Variants in SDCCAG8 observed in about 807,000 individuals in gnomAD.
SDCCAG8 encodes SHH signaling and ciliogenesis regulator SDCCAG8.
Under a neutral mutation model 101.8 loss-of-function variants are expected in SDCCAG8, and 74 were observed. The ratio of observed to expected loss-of-function variants is 0.73; its 90% CI spans 0.60 to 0.88. The LOEUF (loss-of-function observed/expected upper bound fraction) is 0.88, where lower values mean the gene tolerates loss of function less well. Ranked by LOEUF, SDCCAG8 falls within the 40% of genes least tolerant of loss-of-function variation. SDCCAG8 has a pLI of 0.00. For synonymous variants in SDCCAG8, 281 were observed against 292.9 expected (o/e 0.96, Z 0.41); for missense variants, 787 against 822.6 (o/e 0.96, Z 0.53).
chr1:243,291,330 C>G (rs1317938509), intron 5 of SDCCAG8, among the ~76,000 whole-genome samples: 1 of 152,200 alleles, frequency 6.6e-6, no homozygotes, highest in Non-Finnish European at 1.5e-5. Context: ...CTAAATTCAA[C>G]TCAGGCATGT....
intron 10 of SDCCAG8, among the ~76,000 whole-genome samples, chr1:243,340,108 G>A (rs1010946648): frequency 1.3e-5 from 2 of 152,150 alleles, no homozygotes; most frequent in African/African-American, 2.4e-5. Context: ...CCATTGGAAA[G>A]CCATTTATTC....
Position 243,394,851 on chromosome 1 carries a change from GT to G in SDCCAG8, c.1616+16000del, listed in dbSNP as rs11442720. 8.8e-3 allele frequency among the ~76,000 whole-genome samples: 1,276 copies of G among 144,896 alleles called. 28 individuals carry two copies. The highest frequency in any genetic ancestry group is 0.028 in the African/African-American group (1,113 of 39,902). On this transcript the variant is annotated intron_variant, in intron 13 of 17. Coordinates refer to ENST00000366541, the MANE Select transcript of SDCCAG8 (RefSeq NM_006642.5). ...ACATTGCTTCAATGCCTCTTTTTCTGTTTTTTTTTTTTCCCCTGTAAAATTT... is the reference window on the plus strand; with the variant it reads ...ACATTGCTTCAATGCCTCTTTTTCTGTTTTTTTTTTTCCCCTGTAAAATTT...
At chr1:243,482,670 T>C (rs1663983187) in intron 16 of SDCCAG8, among the ~76,000 whole-genome samples, 1 of 152,148 alleles carries the variant, frequency 6.6e-6, no homozygotes, top group African/African-American at 2.4e-5. Flanking sequence ...CCGCGGACCC[T>C]ACGCTGTGCT....
intron 10 of SDCCAG8, among the ~76,000 whole-genome samples, chr1:243,339,326 A>AT (rs1314400090): frequency 6.6e-6 from 1 of 152,194 alleles, no homozygotes; most frequent in Non-Finnish European, 1.5e-5. Context: ...GTAAAATATG[A>AT]TTTTTAGTAG....
chr1:243,281,911 G>T (rs1355408942), intron 4 of SDCCAG8, among the ~76,000 whole-genome samples: 4 of 152,148 alleles, frequency 2.6e-5, no homozygotes, highest in Admixed American at 6.5e-5. Flanking sequence ...CTTCCAAAGT[G>T]CTGGGCTTAC....
At chr1:243,410,811 G>A (rs2080119961) in intron 13 of SDCCAG8, among the ~76,000 whole-genome samples, 1 of 152,068 alleles carries the variant, frequency 6.6e-6, no homozygotes, top group African/African-American at 2.4e-5. Flanking sequence ...AAAAATATAA[G>A]CTTAATGCTT....
At chr1:243,354,819 G>T (rs754281082) in intron 12 of SDCCAG8, among the ~76,000 whole-genome samples, 4 of 152,176 alleles carry the variant, frequency 2.6e-5, no homozygotes, top group Non-Finnish European at 5.9e-5. Flanking sequence ...TTTGCTCTGG[G>T]AGTTCTTTTT....
intron 12 of SDCCAG8, among the ~76,000 whole-genome samples, chr1:243,360,351 A>C (rs1263418959): frequency 6.6e-6 from 1 of 151,426 alleles, no homozygotes; most frequent in East Asian, 2.0e-4. Flanking sequence ...ATGGGGTTTC[A>C]CCGTGTTAGC....
intron 12 of SDCCAG8, among the ~76,000 whole-genome samples, chr1:243,358,902 G>C (rs529792926): frequency 1.3e-5 from 2 of 152,194 alleles, no homozygotes; most frequent in Admixed American, 1.3e-4. Context: ...GAAATGTTTA[G>C]AATGGGCAAA....
At chr1:243,266,839 A>G (rs940146497) in intron 1 of SDCCAG8, among the ~76,000 whole-genome samples, 3 of 148,826 alleles carry the variant, frequency 2.0e-5, no homozygotes, top group Admixed American at 6.7e-5. Context: ...GCCACTCAGG[A>G]GGCTGAGGAA....
At chr1:243,332,718 G>A (rs1389936904) in intron 10 of SDCCAG8, among the ~76,000 whole-genome samples, 12 of 152,106 alleles carry the variant, frequency 7.9e-5, no homozygotes, top group African/African-American at 2.9e-4. Flanking sequence ...GTCCAGGTCT[G>A]GAGGTGATTT....
At chr1:243,419,779 A>G (rs1266153233) in intron 15 of SDCCAG8, among the ~76,000 whole-genome samples, 2 of 152,314 alleles carry the variant, frequency 1.3e-5, no homozygotes, top group East Asian at 3.9e-4. Context: ...AGTTATGATG[A>G]GAAAGTTTGG....
At chr1:243,414,079 G>A (rs1412727349) in intron 13 of SDCCAG8, among the ~76,000 whole-genome samples, 1 of 152,136 alleles carries the variant, frequency 6.6e-6, no homozygotes, top group Non-Finnish European at 1.5e-5. Flanking sequence ...GACAAACGAA[G>A]CAGACATGTT....
At chr1:243,315,367 A>G (rs1211904728) in intron 8 of SDCCAG8, among the ~76,000 whole-genome samples, 1 of 152,150 alleles carries the variant, frequency 6.6e-6, no homozygotes, top group East Asian at 1.9e-4. Flanking sequence ...TTACATAGTA[A>G]TTGTGTTTGA....
chr1:243,256,358 A>T, intron 1 of SDCCAG8, 118 bp downstream of exon 1: 1 of 790,758 alleles, frequency 1.3e-6, no homozygotes, highest in African/African-American at 1.7e-5. Flanking sequence ...ACAGAGGAGC[A>T]AGATGGATGT....
At chr1:243,452,535 C>G (rs552258338) in intron 16 of SDCCAG8, among the ~76,000 whole-genome samples, 20 of 150,496 alleles carry the variant, frequency 1.3e-4, no homozygotes, top group African/African-American at 4.9e-4. Flanking sequence ...GGATCCTCCT[C>G]CCTCAGCTTT....
At chr1:243,274,162 T>G (rs1192932509) in intron 3 of SDCCAG8, among the ~76,000 whole-genome samples, 1 of 152,148 alleles carries the variant, frequency 6.6e-6, no homozygotes, top group East Asian at 1.9e-4. Context: ...GGAGCAGGCA[T>G]TTCATGTGGT....
intron 10 of SDCCAG8, among the ~76,000 whole-genome samples, chr1:243,334,403 G>A (rs2802724): frequency 0.95 from 145,011 of 152,256 alleles, 69,444 homozygotes; most frequent in Non-Finnish European, 1. Context: ...TTGGCTCTCC[G>A]GTCTTATGTT....
chr1:243,270,785 C>G (rs2068016257), intron 2 of SDCCAG8, among the ~76,000 whole-genome samples, 193 bp from the exon 3 acceptor site: 3 of 151,918 alleles, frequency 2.0e-5, no homozygotes, highest in Non-Finnish European at 4.4e-5. Flanking sequence ...TCTCTCTCTT[C>G]CTTGCTAGAT....
Sources: allele counts gnomAD v4.1 joint callset (sites outside exome capture counted in the v4.1 genomes callset), GRCh38; gene constraint gnomAD v4.1.1; transcripts MANE v1.5; gene names NCBI Gene and HGNC (gene_info 2026-07-23, HGNC 2026-07-21).